Variants in XRCC4 observed in about 807,000 individuals in gnomAD.
XRCC4 encodes DNA repair protein XRCC4.
Under a neutral mutation model 39.1 loss-of-function variants are expected in XRCC4, and 28 were observed. The ratio of observed to expected loss-of-function variants is 0.72; its 90% CI spans 0.53 to 0.98. The LOEUF is 0.98. XRCC4 is among the 50% of genes least tolerant of loss of function. XRCC4 has a pLI of 0.00. For missense variants in XRCC4, 350 were observed against 376.4 expected (o/e 0.93, Z 0.58); for synonymous variants, 123 against 126.4 (o/e 0.97, Z 0.18).
chr5:83,133,957 C>T (rs564687398), intron 3 of XRCC4, among the ~76,000 whole-genome samples: 3 of 152,250 alleles, frequency 2.0e-5, no homozygotes, highest in Non-Finnish European at 2.9e-5. Context: ...AAGAGAGAGG[C>T]GCTGGCGGGA....
At chr5:83,255,095 A>G (rs1349909292) in intron 6 of XRCC4, among the ~76,000 whole-genome samples, 2 of 143,958 alleles carry the variant, frequency 1.4e-5, no homozygotes, top group Non-Finnish European at 3.0e-5. Flanking sequence ...CTCAAAAAAG[A>G]AAAAAAAAAA....
At chr5:83,114,686 C>T (rs1277146789) in intron 3 of XRCC4, among the ~76,000 whole-genome samples, 1 of 152,210 alleles carries the variant, frequency 6.6e-6, no homozygotes, top group Non-Finnish European at 1.5e-5. Context: ...CTAGGAAGTT[C>T]CAAACTTTCC....
chr5:83,350,437 G>A (rs2112231664), intron 7 of XRCC4, among the ~76,000 whole-genome samples: 2 of 152,198 alleles, frequency 1.3e-5, no homozygotes, highest in East Asian at 1.9e-4. Flanking sequence ...ATTATTATTT[G>A]ACTTTTTAAT....
At chr5:83,141,041 T>G (rs28383167) in intron 3 of XRCC4, among the ~76,000 whole-genome samples, 9,820 of 152,300 alleles carry the variant, frequency 0.064, 506 homozygotes, top group African/African-American at 0.14. Context: ...TATTCTTTCT[T>G]AAATGAAGGG....
chr5:83,275,129 T>A (rs2112937995), intron 7 of XRCC4, among the ~76,000 whole-genome samples: 1 of 152,224 alleles, frequency 6.6e-6, no homozygotes. Context: ...TCCCAAGACT[T>A]GCTAGTAGGT....
chr5:83,322,895 T>C (rs1231045776), intron 7 of XRCC4, among the ~76,000 whole-genome samples: 1 of 152,210 alleles, frequency 6.6e-6, no homozygotes, highest in African/African-American at 2.4e-5. Flanking sequence ...AGAGAATAAA[T>C]GTGTGTTGTT....
intron 3 of XRCC4, among the ~76,000 whole-genome samples, chr5:83,119,815 A>G (rs1746911830): frequency 6.6e-6 from 1 of 152,080 alleles, no homozygotes. Flanking sequence ...TCTACCAAAA[A>G]GAAAAAAGTA....
At chr5:83,087,008 G>A (rs1209138045) in intron 1 of XRCC4, among the ~76,000 whole-genome samples, 1 of 152,024 alleles carries the variant, frequency 6.6e-6, no homozygotes, top group Non-Finnish European at 1.5e-5. Flanking sequence ...TCTAAACAAG[G>A]TTTAATTAAA....
At chr5:83,240,120 GC>G (rs1327610392) in intron 6 of XRCC4, among the ~76,000 whole-genome samples, 10 of 152,280 alleles carry the variant, frequency 6.6e-5, no homozygotes, top group Admixed American at 2.0e-4. Context: ...GCTGCAGTGA[GC>G]CATGATCTTG....
chr5:83,343,727 G>A (rs1219465450), intron 7 of XRCC4, among the ~76,000 whole-genome samples: 1 of 149,006 alleles, frequency 6.7e-6, no homozygotes, highest in Non-Finnish European at 1.5e-5. Context: ...ACTATTTCTT[G>A]CTAAACCTTT....
intron 6 of XRCC4, among the ~76,000 whole-genome samples, chr5:83,231,002 A>G (rs1429560835): frequency 6.6e-6 from 1 of 151,986 alleles, no homozygotes; most frequent in Non-Finnish European, 1.5e-5. Flanking sequence ...CACTGAAGGT[A>G]GAAGTCATAC....
intron 3 of XRCC4, among the ~76,000 whole-genome samples, chr5:83,185,748 T>C (rs1750412001): frequency 6.6e-6 from 1 of 152,076 alleles, no homozygotes; most frequent in Non-Finnish European, 1.5e-5. Context: ...AAATACTTAA[T>C]TTCTAATAGT....
intron 3 of XRCC4, among the ~76,000 whole-genome samples, chr5:83,129,880 G>A (rs1386058387): frequency 6.6e-6 from 1 of 152,076 alleles, no homozygotes; most frequent in Non-Finnish European, 1.5e-5. Context: ...GAGATGATGG[G>A]GTTTTCTAAA....
chr5:83,337,063 A>AT (rs1394065169), intron 7 of XRCC4, among the ~76,000 whole-genome samples: 1 of 152,134 alleles, frequency 6.6e-6, no homozygotes, highest in Non-Finnish European at 1.5e-5. Flanking sequence ...TTGTCCTTTG[A>AT]TTTAGAATGG....
In XRCC4 at chr5:83,245,997, AATTATTTATCGAAGTTTCTTGC is replaced by A. The variant is rs549525487; in HGVS notation, c.746-12531_746-12510del. Among the ~76,000 whole-genome samples the A allele has an allele frequency of 2.5e-3, 375 of 151,982 alleles. 3 individuals carry two copies. Among genetic ancestry groups the A allele is most frequent in the African/African-American group, 8.6e-3 (356 of 41,484 alleles). On this transcript the variant is annotated intron_variant, in intron 6 of 7. Coordinates refer to ENST00000396027, the MANE Select transcript of XRCC4 (RefSeq NM_003401.5). ...TTTTTCTATAGATTAAAATCTCTCA[AATTATTTATCGAAGTTTCTTGC>A]AAGTTAATTTTTTTCTATCATTGTC...
chr5:83,292,712 C>T (rs1175482287), intron 7 of XRCC4, among the ~76,000 whole-genome samples: 1 of 150,794 alleles, frequency 6.6e-6, no homozygotes, highest in Non-Finnish European at 1.5e-5. Context: ...ACTGAATACA[C>T]AAGAAACTCT....
At chr5:83,299,532 A>ATGTTATATC (rs1755204254) in intron 7 of XRCC4, among the ~76,000 whole-genome samples, 1 of 152,010 alleles carries the variant, frequency 6.6e-6, no homozygotes, top group African/African-American at 2.4e-5. Flanking sequence ...AATTAGACTT[A>ATGTTATATC]TGTTATATCT....
At chr5:83,291,951 C>CTCTGTG (rs1554072284) in intron 7 of XRCC4, among the ~76,000 whole-genome samples, 56 of 144,024 alleles carry the variant, frequency 3.9e-4, no homozygotes, top group Non-Finnish European at 4.8e-4. Context: ...ATGTGTATTT[C>CTCTGTG]TGTGTGTGTG....
chr5:83,334,108 A>G (rs1756521179), intron 7 of XRCC4, among the ~76,000 whole-genome samples: 1 of 152,142 alleles, frequency 6.6e-6, no homozygotes, highest in South Asian at 2.1e-4. Flanking sequence ...TTATAGGAAC[A>G]ACCACTGTGA....
Sources: allele counts gnomAD v4.1 joint callset (sites outside exome capture counted in the v4.1 genomes callset), GRCh38; gene constraint gnomAD v4.1.1; transcripts MANE v1.5; gene names NCBI Gene and HGNC (gene_info 2026-07-23, HGNC 2026-07-21).